Variants in HAT1 observed in about 807,000 individuals in gnomAD.
HAT1 encodes histone acetyltransferase 1.
HAT1 carries 20 observed loss-of-function variants against 56.6 expected under a neutral mutation model. The observed-to-expected ratio is 0.35, with a 90% CI of 0.25 to 0.51. HAT1 has a LOEUF of 0.51. HAT1 is among the 20% of genes least tolerant of loss of function. The pLI, the probability that HAT1 is intolerant of heterozygous loss-of-function variation, is 0.95. For synonymous variants in HAT1, 146 were observed against 165.5 expected, an observed-to-expected ratio of 0.88 and a Z score of 0.91; for missense variants, 408 against 504.3, an observed-to-expected ratio of 0.81 and a Z score of 1.83.
chr2:171,960,867 C>T (rs1337422837), intron 4 of HAT1, among the ~76,000 whole-genome samples: 3 of 151,680 alleles, frequency 2.0e-5, no homozygotes, highest in Admixed American at 6.6e-5. Context: ...AAATGCTGAA[C>T]GTGGTGGCTC....
At chr2:171,954,288 A>G (rs1054922224) in intron 4 of HAT1, among the ~76,000 whole-genome samples, 2 of 152,236 alleles carry the variant, frequency 1.3e-5, no homozygotes, top group African/African-American at 2.4e-5. Context: ...CTAATCCCAC[A>G]AATTTTGCTA....
intron 10 of HAT1, among the ~76,000 whole-genome samples, chr2:171,981,436 G>A (rs1321647911): frequency 6.6e-6 from 1 of 152,084 alleles, no homozygotes; most frequent in African/African-American, 2.4e-5. Context: ...TAAATTTAAA[G>A]AAAATTTAAG....
At chr2:171,927,299 C>G (rs1394879819) in intron 2 of HAT1, among the ~76,000 whole-genome samples, 1 of 152,164 alleles carries the variant, frequency 6.6e-6, no homozygotes, top group East Asian at 1.9e-4. Context: ...CCTGAGTTTC[C>G]TCATTGTTAA....
intron 4 of HAT1, among the ~76,000 whole-genome samples, chr2:171,963,643 C>T (rs1222596638): frequency 6.6e-6 from 1 of 152,130 alleles, no homozygotes; most frequent in Admixed American, 6.5e-5. Flanking sequence ...AAAACCTTAA[C>T]TAACATACTA....
intron 10 of HAT1, 65 bp from the exon 11 acceptor site, chr2:171,983,120 A>T (rs1014681939): frequency 3.1e-6 from 3 of 957,020 alleles, no homozygotes; most frequent in Non-Finnish European, 4.6e-6. Context: ...GGAGACTTAA[A>T]ATTGTAAGAC....
chr2:171,939,965 A>G (rs974522463), intron 2 of HAT1, among the ~76,000 whole-genome samples: 11 of 151,948 alleles, frequency 7.2e-5, no homozygotes, highest in African/African-American at 1.9e-4. Flanking sequence ...GAGAAAGGGT[A>G]TCACTGTATT....
intron 2 of HAT1, among the ~76,000 whole-genome samples, chr2:171,927,442 A>AT (rs564894930): frequency 7.9e-5 from 12 of 151,812 alleles, no homozygotes; most frequent in African/African-American, 1.2e-4. Flanking sequence ...AGATCTGCGT[A>AT]TTTTTTTTAC....
intron 4 of HAT1, among the ~76,000 whole-genome samples, chr2:171,955,957 A>G (rs1401927360): frequency 7.9e-5 from 12 of 152,034 alleles, no homozygotes; most frequent in Admixed American, 7.9e-4. Context: ...AGGCAGGAGA[A>G]TCACCGGAAC....
In HAT1 at chr2:171,960,338, T is replaced by C. The variant is rs75559541; in HGVS notation, c.310-5000T>C. Among the ~76,000 whole-genome samples the C allele has an allele frequency of 2.6e-3, 397 of 152,216 alleles. 1 individual carries two copies. The highest frequency in any genetic ancestry group is 6.8e-3 in the East Asian group (35 of 5,172). ...CGAGAACCCCATTGCCCAAGTTCAA[T>C]TATGGTACTGTTAACTGGGAAAACT... On this transcript the variant is annotated intron_variant, in intron 4 of 10. Coordinates refer to ENST00000264108, the MANE Select transcript of HAT1 (RefSeq NM_003642.4).
At chr2:171,937,797 G>T (rs1467131350) in intron 2 of HAT1, among the ~76,000 whole-genome samples, 1 of 152,082 alleles carries the variant, frequency 6.6e-6, no homozygotes, top group Non-Finnish European at 1.5e-5. Flanking sequence ...TGAGGGAGGA[G>T]GATCACTTGA....
chr2:171,922,489 C>G lies in HAT1; in HGVS notation c.-12C>G. ...TCGTCCTTCCTCAGCCGCGGGTGAT[C>G]GTAGCTCGGAAATGGCGGGTAAGTT... On this transcript the variant is annotated 5_prime_UTR_variant, in exon 1 of 11. In the 5' UTR this introduces an upstream ATG that the reference lacks. Coordinates refer to ENST00000264108, the MANE Select transcript of HAT1 (RefSeq NM_003642.4). The G allele has an allele frequency of 1.5e-6, 2 of 1,319,410 alleles. No homozygotes were observed. The highest frequency in any genetic ancestry group is 9.8e-7 in the Non-Finnish European group (1 of 1,024,582). The allele number at this position is 1,319,410 out of a possible 1,614,324, so 81.7% of individuals were successfully genotyped here.
intron 2 of HAT1, among the ~76,000 whole-genome samples, chr2:171,928,845 T>C (rs1686664922): frequency 6.6e-6 from 1 of 152,226 alleles, no homozygotes; most frequent in South Asian, 2.1e-4. Flanking sequence ...GTTCTGTTGT[T>C]GGATACATCA....
At position 171,977,941 on chromosome 2, in the gene HAT1, C is replaced by A. The variant is rs576071507; in HGVS notation, c.976-1306C>A. On this transcript the variant is annotated intron_variant, in intron 9 of 10. Coordinates refer to ENST00000264108, the MANE Select transcript of HAT1 (RefSeq NM_003642.4). Reference sequence around the variant, plus strand: ...CCCCAACTCCCTGCCCAAATAAATACATAAGTGAAACAACATCAACAGAAA... The same window carrying A: ...CCCCAACTCCCTGCCCAAATAAATAAATAAGTGAAACAACATCAACAGAAA... 4.0e-4 allele frequency among the ~76,000 whole-genome samples: 61 copies of A among 152,146 alleles called. No individual in the cohort carries two copies. In the Middle Eastern group the frequency reaches 0.01, roughly 25 times the overall value.
intron 4 of HAT1, among the ~76,000 whole-genome samples, chr2:171,964,100 A>G (rs1043790739): frequency 6.6e-6 from 1 of 152,186 alleles, no homozygotes; most frequent in African/African-American, 2.4e-5. Context: ...ATAAAGTGCT[A>G]TTCATCTGCA....
chr2:171,977,567 T>A lies in HAT1; in HGVS notation c.975+1259T>A, dbSNP rs1168858075. Among the ~76,000 whole-genome samples the A allele has an allele frequency of 8.9e-3, 467 of 52,682 alleles. 1 individual carries two copies. Among genetic ancestry groups the A allele is most frequent in the Non-Finnish European group, 0.011 (336 of 30,290 alleles). The allele number at this position is 52,682 out of a possible 152,430, so 34.6% of individuals were successfully genotyped here. On this transcript the variant is annotated intron_variant, in intron 9 of 10. Coordinates refer to ENST00000264108, the MANE Select transcript of HAT1 (RefSeq NM_003642.4). ...TATATATATATATATATTTTTTTTT[T>A]TTTTTTTTTTTTAATGGTGCTTTCT...
chr2:171,927,344 G>T (rs1355203545), intron 2 of HAT1, among the ~76,000 whole-genome samples: 1 of 152,188 alleles, frequency 6.6e-6, no homozygotes, highest in Non-Finnish European at 1.5e-5. Context: ...ATTAAATATG[G>T]AGTTAAATAT....
intron 2 of HAT1, among the ~76,000 whole-genome samples, chr2:171,930,713 CA>C (rs1024901140): frequency 2.0e-5 from 3 of 152,108 alleles, no homozygotes; most frequent in Non-Finnish European, 2.9e-5. Flanking sequence ...TTCCCAGGCT[CA>C]AGCGAACCTC....
At chr2:171,937,154 C>T (rs1326982936) in intron 2 of HAT1, among the ~76,000 whole-genome samples, 1 of 151,490 alleles carries the variant, frequency 6.6e-6, no homozygotes, top group Non-Finnish European at 1.5e-5. Flanking sequence ...GGGGTTTTGC[C>T]GTGTTGCCCA....
At chr2:171,978,497 A>G (rs1334986992) in intron 9 of HAT1, among the ~76,000 whole-genome samples, 1 of 152,174 alleles carries the variant, frequency 6.6e-6, no homozygotes, top group Non-Finnish European at 1.5e-5. Context: ...CCCTTAGACT[A>G]GAATTTTCTT....
Sources: allele counts gnomAD v4.1 joint callset (sites outside exome capture counted in the v4.1 genomes callset), GRCh38; gene constraint gnomAD v4.1.1; transcripts MANE v1.5; gene names NCBI Gene and HGNC (gene_info 2026-07-23, HGNC 2026-07-21).